The following SMARCC1 variants were observed in gnomAD, a reference collection of about 807,000 sequenced individuals.
SMARCC1 encodes the protein SWI/SNF related BAF chromatin remodeling complex subunit C1.
Under a neutral mutation model 147.4 loss-of-function variants are expected in SMARCC1, and 43 were observed. The ratio of observed to expected loss-of-function variants is 0.29; its 90% CI spans 0.23 to 0.38. The LOEUF is 0.38. SMARCC1 is among the 10% of genes least tolerant of loss of function. The pLI is 1.00. For missense variants in SMARCC1, 1,119 were observed against 1,381.1 expected, an observed-to-expected ratio of 0.81 and a Z score of 3.01; for synonymous variants, 495 against 484.4, an observed-to-expected ratio of 1.02 and a Z score of -0.29.
chr3:47,765,397 C>G (rs1365537001), intron 2 of SMARCC1, among the ~76,000 whole-genome samples: 1 of 151,506 alleles, frequency 6.6e-6, no homozygotes, highest in Non-Finnish European at 1.5e-5. Flanking sequence ...TGGATGTTCT[C>G]TTTATAATTA....
At chr3:47,749,365 T>C (rs886371470) in intron 2 of SMARCC1, among the ~76,000 whole-genome samples, 2 of 149,672 alleles carry the variant, frequency 1.3e-5, no homozygotes, top group African/African-American at 4.9e-5. Flanking sequence ...ATATAAAATT[T>C]TAAAAAATAA....
chr3:47,777,895 C>G (rs1430191882), intron 1 of SMARCC1, among the ~76,000 whole-genome samples: 1 of 151,808 alleles, frequency 6.6e-6, no homozygotes, highest in Non-Finnish European at 1.5e-5. Flanking sequence ...AATCATCCTA[C>G]CAAATTACCA....
intron 5 of SMARCC1, among the ~76,000 whole-genome samples, chr3:47,734,930 T>C (rs2034422497): frequency 6.6e-6 from 1 of 152,196 alleles, no homozygotes; most frequent in South Asian, 2.1e-4. Context: ...GCTAATTTTA[T>C]ATTTTTAGTA....
In SMARCC1 at chr3:47,736,069, C is replaced by T. The variant is rs148318905; in HGVS notation, c.541G>A (p.Ala181Thr). The T allele has an allele frequency of 1.4e-3, 2,260 of 1,600,078 alleles. 5 individuals carry two copies. The highest frequency in any genetic ancestry group is 1.8e-3 in the Non-Finnish European group (2,094 of 1,171,932). ...TTGATGATATCTTTCAATTTGTTAG[C>T]CAACTTCAGATCAATGTCTGGAATG... ...YLIPDIDLKL[A>T]NKLKDIIKRH... Residue 181 changes from alanine (A) to threonine (T), a missense_variant, in exon 5 of 28, where the codon GCT (alanine) becomes ACT (threonine). Coordinates refer to ENST00000254480, the MANE Select transcript of SMARCC1 (RefSeq NM_003074.4).
chr3:47,589,793 C>T (rs1223063752), intron 27 of SMARCC1, among the ~76,000 whole-genome samples: 1 of 152,196 alleles, frequency 6.6e-6, no homozygotes, highest in Non-Finnish European at 1.5e-5. Context: ...AAGTTCTATC[C>T]AAGTTTTCAT....
At chr3:47,624,522 G>C (rs1486976350) in intron 24 of SMARCC1, among the ~76,000 whole-genome samples, 1 of 152,130 alleles carries the variant, frequency 6.6e-6, no homozygotes, top group Non-Finnish European at 1.5e-5. Flanking sequence ...TCAACTCTGA[G>C]GGCTAATGAA....
At chr3:47,657,535 C>T (rs781520216) in intron 21 of SMARCC1, among the ~76,000 whole-genome samples, 10 of 152,240 alleles carry the variant, frequency 6.6e-5, no homozygotes, top group Non-Finnish European at 1.0e-4. Context: ...CAGTGGCTCA[C>T]GCCTGTACTC....
At position 47,588,082 on chromosome 3, in the gene SMARCC1, G is replaced by A. The variant is rs186285791; in HGVS notation, c.*127C>T. ...GTGGTAAGAGGAGTGGGGAGGCACG[G>A]GACACGTGCTTGGAGCTGTGAGAAG... On this transcript the variant is annotated 3_prime_UTR_variant, in exon 28 of 28. Transcript: ENST00000254480. 2.0e-4 allele frequency: 142 copies of A among 723,326 alleles called. 1 individual carries two copies. The East Asian group carries it at 3.7e-3, about 19-fold the overall frequency. 44.8% of individuals were successfully genotyped at this position (723,326 alleles called of 1,614,324 possible).
chr3:47,760,638 T>C (rs2034762496), intron 2 of SMARCC1, among the ~76,000 whole-genome samples: 1 of 152,190 alleles, frequency 6.6e-6, no homozygotes, highest in African/African-American at 2.4e-5. Flanking sequence ...CACTCCAGCC[T>C]GGGCAACTGA....
intron 1 of SMARCC1, among the ~76,000 whole-genome samples, chr3:47,776,888 C>T (rs1185639670): frequency 6.6e-6 from 1 of 151,914 alleles, no homozygotes; most frequent in African/African-American, 2.4e-5. Flanking sequence ...AATTCTCCTC[C>T]CTTAGCCTAC....
intron 3 of SMARCC1, among the ~76,000 whole-genome samples, chr3:47,742,321 T>C (rs1330537761): frequency 1.3e-5 from 2 of 149,298 alleles, no homozygotes; most frequent in African/African-American, 2.5e-5. Context: ...TAGGAAAAAA[T>C]AAACAACGTC....
chr3:47,671,190 A>ACAAAAAAAAC (rs1553682017), intron 18 of SMARCC1, among the ~76,000 whole-genome samples: 15 of 145,148 alleles, frequency 1.0e-4, no homozygotes, highest in African/African-American at 4.0e-4. Context: ...AAAAAAAAAA[A>ACAAAAAAAAC]AAAAAAAACA....
intron 26 of SMARCC1, among the ~76,000 whole-genome samples, chr3:47,609,541 T>A (rs1406719056): frequency 6.6e-6 from 1 of 151,560 alleles, no homozygotes; most frequent in Non-Finnish European, 1.5e-5. Flanking sequence ...ACATTTGAAG[T>A]CTATCTCATT....
At chr3:47,602,115 A>T (rs1448342820) in intron 26 of SMARCC1, among the ~76,000 whole-genome samples, 1 of 152,042 alleles carries the variant, frequency 6.6e-6, no homozygotes, top group Non-Finnish European at 1.5e-5. Flanking sequence ...TTGTGTAAGT[A>T]GGTGTGAGGG....
chr3:47,618,222 T>C (rs2032674188), intron 25 of SMARCC1, among the ~76,000 whole-genome samples: 1 of 152,146 alleles, frequency 6.6e-6, no homozygotes, highest in Admixed American at 6.5e-5. Flanking sequence ...ATATTGTGTG[T>C]GATCTGATTA....
At chr3:47,625,507 T>C (rs545600743) in intron 24 of SMARCC1, among the ~76,000 whole-genome samples, 1 of 152,096 alleles carries the variant, frequency 6.6e-6, no homozygotes, top group Admixed American at 6.5e-5. Context: ...AGTGCTGGGA[T>C]TACCGGCATG....
intron 9 of SMARCC1, among the ~76,000 whole-genome samples, chr3:47,710,433 C>A (rs1347981325): frequency 6.6e-6 from 1 of 152,270 alleles, no homozygotes; most frequent in East Asian, 1.9e-4. Flanking sequence ...AGCTATACCA[C>A]TACCCTTCTG....
intron 18 of SMARCC1, among the ~76,000 whole-genome samples, chr3:47,674,553 T>A (rs2033544711): frequency 6.6e-6 from 1 of 152,198 alleles, no homozygotes; most frequent in South Asian, 2.1e-4. Flanking sequence ...GCCCCCACCC[T>A]CCATGTCTGC....
chr3:47,734,321 T>C (rs150159291), intron 5 of SMARCC1, among the ~76,000 whole-genome samples: 4 of 152,314 alleles, frequency 2.6e-5, no homozygotes, highest in Admixed American at 2.6e-4. Flanking sequence ...GATTGCCCAA[T>C]ATGATAAAAT....
Sources: allele counts gnomAD v4.1 joint callset (sites outside exome capture counted in the v4.1 genomes callset), GRCh38; gene constraint gnomAD v4.1.1; transcripts MANE v1.5; gene names NCBI Gene and HGNC (gene_info 2026-07-23, HGNC 2026-07-21).